The following LIMD1 variants were observed in gnomAD, a reference collection of about 807,000 sequenced individuals.
LIMD1 encodes the protein LIM domain containing 1, also known as LIM domain-containing protein 1.
A neutral mutation model predicts 58.4 loss-of-function variants in LIMD1; 23 were observed. The ratio of observed to expected loss-of-function variants is 0.39; its 90% CI spans 0.28 to 0.56. The LOEUF (loss-of-function observed/expected upper bound fraction) is 0.56. LIMD1 is among the 20% of genes least tolerant of loss of function. The pLI, the probability that LIMD1 is intolerant of heterozygous loss-of-function variation, is 0.57. For synonymous variants in LIMD1, 334 were observed against 345.5 expected (o/e 0.97, Z 0.37); for missense variants, 838 against 855.5 (o/e 0.98, Z 0.25).
At chr3:45,598,103 G>C (rs1164253519) in intron 1 of LIMD1, among the ~76,000 whole-genome samples, 1 of 152,054 alleles carries the variant, frequency 6.6e-6, no homozygotes, top group Non-Finnish European at 1.5e-5. Flanking sequence ...TGAGTAGCTA[G>C]GACTACTTAA....
chr3:45,671,872 G>A (rs533472526), intron 4 of LIMD1, among the ~76,000 whole-genome samples: 2 of 152,296 alleles, frequency 1.3e-5, no homozygotes, highest in African/African-American at 4.8e-5. Context: ...GGAGGTATGT[G>A]GTTCCATGAT....
At position 45,676,916 on chromosome 3, in the gene LIMD1, C is replaced by T. The variant is rs1559527562; in HGVS notation, c.1894-6C>T. 5 of 1,613,930 alleles carry T rather than the reference C, an allele frequency of 3.1e-6. No individual in the cohort carries two copies. The highest frequency in any genetic ancestry group is 2.2e-5 in the East Asian group (1 of 44,882). On this transcript the variant is annotated splice_region_variant and splice_polypyrimidine_tract_variant and intron_variant, in intron 7 of 7. Transcript: ENST00000273317. The stretch of plus-strand genomic sequence containing the variant: ...GCTTCCCCTGGACATGTCTGCCTCC[C>T]CACAGGACTGTGGTCTGGAGCTCAA...
At chr3:45,644,564 G>A (rs536707134) in intron 2 of LIMD1, among the ~76,000 whole-genome samples, 24 of 152,238 alleles carry the variant, frequency 1.6e-4, no homozygotes, top group Middle Eastern at 3.4e-3. Context: ...GGAGTTCAAC[G>A]TTCATTATTA....
intron 1 of LIMD1, among the ~76,000 whole-genome samples, chr3:45,622,342 A>G (rs1023118591): frequency 6.6e-6 from 1 of 152,222 alleles, no homozygotes; most frequent in African/African-American, 2.4e-5. Context: ...CGTGAGGGAT[A>G]TAGTCCAAGA....
chr3:45,623,183 G>T (rs1432308291), intron 1 of LIMD1, among the ~76,000 whole-genome samples: 1 of 152,150 alleles, frequency 6.6e-6, no homozygotes, highest in Non-Finnish European at 1.5e-5. Context: ...AATGCTGCTT[G>T]GCCATTCCTA....
At chr3:45,647,610 G>A (rs1403319459) in intron 2 of LIMD1, among the ~76,000 whole-genome samples, 2 of 152,174 alleles carry the variant, frequency 1.3e-5, no homozygotes, top group Non-Finnish European at 2.9e-5. Context: ...GCCCTGTTTT[G>A]GGCAGAGCGT....
rs1437544876 is a variant in LIMD1 at position 45,677,180 on chromosome 3, T to C, written c.*121T>C. 9.0e-7 allele frequency: 1 copy of C among 1,108,898 alleles called. No homozygotes were observed. The highest frequency in any genetic ancestry group is 1.3e-6 in the Non-Finnish European group (1 of 768,312). 68.7% of individuals were successfully genotyped at this position (1,108,898 alleles called of 1,614,324 possible). A position where few individuals can be genotyped will look rare whatever the true frequency, so the allele number is the denominator to read the frequency against. ...GAGGAGGGGCAGGAGGGAGAGTTCC[T>C]GTGAGCATGTGGGGGGTGCCTTTCC... On this transcript the variant is annotated 3_prime_UTR_variant, in exon 8 of 8. Transcript: ENST00000273317.
chr3:45,614,883 CTG>C (rs1014258286), intron 1 of LIMD1, among the ~76,000 whole-genome samples: 11 of 150,322 alleles, frequency 7.3e-5, no homozygotes, highest in African/African-American at 2.5e-4. Flanking sequence ...GGGATAATCA[CTG>C]TTAGGATAGA....
chr3:45,672,901 A>C, intron 5 of LIMD1, 81 bp downstream of exon 5: 1 of 1,545,596 alleles, frequency 6.5e-7, no homozygotes, highest in South Asian at 1.1e-5. Context: ...AAACCGACAA[A>C]ACTGTGTTTG....
chr3:45,672,951 G>A, intron 5 of LIMD1, 131 bp downstream of exon 5: 1 of 1,041,250 alleles, frequency 9.6e-7, no homozygotes, highest in Non-Finnish European at 1.4e-6. Flanking sequence ...AGGCTTAATG[G>A]TTTTGAGGGG....
At chr3:45,675,033 AAGG>A (rs1300222751) in intron 7 of LIMD1, among the ~76,000 whole-genome samples, 2 of 152,198 alleles carry the variant, frequency 1.3e-5, no homozygotes, top group African/African-American at 4.8e-5. Flanking sequence ...TCACCCATGG[AAGG>A]AGATTAGATT....
chr3:45,602,412 CAGGGTCTCCTGTACCCAG>C (rs1475931469), intron 1 of LIMD1, among the ~76,000 whole-genome samples: 1 of 152,156 alleles, frequency 6.6e-6, no homozygotes, highest in Non-Finnish European at 1.5e-5. Context: ...AAGCAGGTTC[CAGGGTCTCCTGTACCCAG>C]GAAGTGGATG....
intron 2 of LIMD1, among the ~76,000 whole-genome samples, chr3:45,662,983 C>CAA (rs200455107): frequency 6.0e-4 from 76 of 126,576 alleles, no homozygotes; most frequent in African/African-American, 1.7e-3. Context: ...GACTCCGTCT[C>CAA]AAAAAAAAAA....
chr3:45,629,412 C>CAAAAA (rs57306025), intron 1 of LIMD1, among the ~76,000 whole-genome samples: 13 of 97,462 alleles, frequency 1.3e-4, no homozygotes, highest in African/African-American at 2.2e-4. Flanking sequence ...ACTCTTGTCT[C>CAAAAA]AAAAAAAAAA....
chr3:45,608,525 G>C (rs564721597), intron 1 of LIMD1, among the ~76,000 whole-genome samples: 1 of 152,284 alleles, frequency 6.6e-6, no homozygotes, highest in South Asian at 2.1e-4. Context: ...TTAGAAGCAA[G>C]AGAGGCCCTG....
At chr3:45,607,506 C>T (rs1701479471) in intron 1 of LIMD1, among the ~76,000 whole-genome samples, 2 of 152,114 alleles carry the variant, frequency 1.3e-5, no homozygotes, top group Non-Finnish European at 2.9e-5. Flanking sequence ...GGGAGCATCT[C>T]AGGGGTCTCT....
rs553757543 is a variant in LIMD1 at position 45,663,868 on chromosome 3, A to ATTTTTTTTTTTTTTTTTTTTTTTTTTT, written c.1511-1762_1511-1761insTTTTTTTTTTTTTTTTTTTTTTTTTTT. Reference sequence around the variant, plus strand: ...TAGTGCGTGGCACCATGCCTGGCTAATTTTTTTTTTTTTTTTTTTTGAGAC... The same window carrying ATTTTTTTTTTTTTTTTTTTTTTTTTTT: ...TAGTGCGTGGCACCATGCCTGGCTAATTTTTTTTTTTTTTTTTTTTTTTTTTTTTTTTTTTTTTTTTTTTTTTGAGAC... On this transcript the variant is annotated intron_variant, in intron 2 of 7. Transcript: ENST00000273317. Among the ~76,000 whole-genome samples the ATTTTTTTTTTTTTTTTTTTTTTTTTTT allele has an allele frequency of 1.2e-4, 12 of 102,896 alleles. 1 individual carries two copies. Among genetic ancestry groups the ATTTTTTTTTTTTTTTTTTTTTTTTTTT allele is most frequent in the African/African-American group, 4.3e-4 (10 of 23,320 alleles). The allele number at this position is 102,896 out of a possible 152,430, so 67.5% of individuals were successfully genotyped here.
chr3:45,627,923 G>A (rs1342405329), intron 1 of LIMD1, among the ~76,000 whole-genome samples: 6 of 149,688 alleles, frequency 4.0e-5, no homozygotes, highest in African/African-American at 7.4e-5. Context: ...CAGGAGAATC[G>A]CTTGAACCTG....
intron 2 of LIMD1, among the ~76,000 whole-genome samples, chr3:45,663,436 TC>T (rs1316644465): frequency 6.6e-6 from 1 of 152,218 alleles, no homozygotes; most frequent in Non-Finnish European, 1.5e-5. Context: ...GCTCCTCTTG[TC>T]CCACACCTTC....
Sources: gnomAD v4.1 joint callset for allele counts (sites outside exome capture counted in the v4.1 genomes callset) on GRCh38, gnomAD v4.1.1 for gene constraint, MANE v1.5 for transcripts, NCBI Gene and HGNC (gene_info 2026-07-23, HGNC 2026-07-21) for gene names.